GSAP: variants seen among roughly 807,000 people sequenced by gnomAD.
GSAP encodes the protein gamma-secretase-activating protein.
Under a neutral mutation model 131.7 loss-of-function variants are expected in GSAP, and 118 were observed. The observed-to-expected ratio is 0.90, with a 90% CI of 0.77 to 1.04. The LOEUF (loss-of-function observed/expected upper bound fraction) is 1.04, where lower values mean the gene tolerates loss of function less well. GSAP is among the 50% of genes least tolerant of loss of function. GSAP has a pLI of 0.00. For synonymous variants in GSAP, 381 were observed against 363.4 expected (o/e 1.05, Z -0.55); for missense variants, 1,019 against 1,013.2 (o/e 1.01, Z -0.08).
At chr7:77,399,756 C>T (rs531832671) in intron 3 of GSAP, among the ~76,000 whole-genome samples, 1 of 151,994 alleles carries the variant, frequency 6.6e-6, no homozygotes, top group Non-Finnish European at 1.5e-5. Context: ...TTGCTCCCAC[C>T]AAGTACAGTT....
At chr7:77,402,704 T>C (rs924728001) in intron 3 of GSAP, among the ~76,000 whole-genome samples, 1 of 142,046 alleles carries the variant, frequency 7.0e-6, no homozygotes, top group Non-Finnish European at 1.5e-5. Context: ...AAAAAACATA[T>C]GGGCTGTAAG....
At chr7:77,377,522 A>G in intron 8 of GSAP, 132 bp from the exon 9 acceptor site, 1 of 1,112,194 alleles carries the variant, frequency 9.0e-7, no homozygotes, top group Non-Finnish European at 1.2e-6. Context: ...TCACTGTTAG[A>G]AGCTCCCCAC....
intron 24 of GSAP, among the ~76,000 whole-genome samples, chr7:77,322,819 A>C (rs979403389): frequency 6.6e-6 from 1 of 152,172 alleles, no homozygotes; most frequent in Non-Finnish European, 1.5e-5. Flanking sequence ...AACAACACTA[A>C]TGGCTGCAAT....
intron 12 of GSAP, among the ~76,000 whole-genome samples, chr7:77,370,854 AAT>A (rs1346206271): frequency 6.6e-6 from 1 of 152,080 alleles, no homozygotes; most frequent in Non-Finnish European, 1.5e-5. Flanking sequence ...CTCACTACCT[AAT>A]TCAGTCATTT....
intron 12 of GSAP, among the ~76,000 whole-genome samples, chr7:77,366,150 C>CAA (rs1352161007): frequency 6.6e-6 from 1 of 151,860 alleles, no homozygotes; most frequent in Non-Finnish European, 1.5e-5. Context: ...TTGTCAGATG[C>CAA]ATAGTTTGCA....
At chr7:77,333,879 C>T (rs1789542581) in intron 19 of GSAP, among the ~76,000 whole-genome samples, 3 of 152,124 alleles carry the variant, frequency 2.0e-5, no homozygotes, top group Admixed American at 6.5e-5. Context: ...GACACACCAT[C>T]GCACCACTAT....
intron 30 of GSAP, 60 bp from the exon 31 acceptor site, chr7:77,311,509 A>C (rs1255898887): frequency 4.8e-6 from 4 of 835,070 alleles, no homozygotes; most frequent in Non-Finnish European, 8.1e-6. Flanking sequence ...TGAAACATTT[A>C]TAACTTTGTG....
chr7:77,353,604 T>C lies in GSAP; in HGVS notation c.1376A>G (p.His459Arg). 1 of 1,611,214 alleles carries C rather than the reference T, an allele frequency of 6.2e-7. No homozygotes were observed. Among genetic ancestry groups the C allele is most frequent in the South Asian group, 1.1e-5 (1 of 90,970 alleles). Residue 459 changes from histidine to arginine, a missense_variant, in exon 17 of 31, where the codon CAT becomes CGT. Coordinates refer to ENST00000257626, the MANE Select transcript of GSAP (RefSeq NM_017439.4). ...AAATTCCTGAATGAGGTCAAATGAA[T>C]GGCAGGCAGAGACATTCTCAGAAAT... ...QWISENVSAC[H>R]SFDLIQEFII...
At chr7:77,371,099 C>T (rs1218930153) in intron 12 of GSAP, among the ~76,000 whole-genome samples, 1 of 152,128 alleles carries the variant, frequency 6.6e-6, no homozygotes, top group Non-Finnish European at 1.5e-5. Flanking sequence ...TATTCATTGC[C>T]AGTCTTGACC....
At chr7:77,328,157 A>T in intron 22 of GSAP, 1 of 957,010 alleles carries the variant, frequency 1.0e-6, no homozygotes, top group Non-Finnish European at 1.2e-6. Flanking sequence ...CCAGAACCAC[A>T]CTGCTTACCT....
At chr7:77,353,474 C>G in intron 17 of GSAP, 98 bp downstream of exon 17, 1 of 683,602 alleles carries the variant, frequency 1.5e-6, no homozygotes, top group Non-Finnish European at 2.6e-6. Context: ...TCCAAAGTAG[C>G]ATTTGGACAG....
intron 8 of GSAP, chr7:77,379,969 GT>G (rs1797550969): frequency 1.2e-6 from 1 of 837,230 alleles, no homozygotes; most frequent in South Asian, 5.5e-5. Context: ...TCAGAGAAAT[GT>G]TAAAATCTTC....
chr7:77,389,268 G>T (rs1482177915), intron 5 of GSAP, among the ~76,000 whole-genome samples: 1 of 148,996 alleles, frequency 6.7e-6, no homozygotes, highest in African/African-American at 2.5e-5. Flanking sequence ...ATATTTTTTT[G>T]ACCTAAAAGT....
intron 6 of GSAP, among the ~76,000 whole-genome samples, chr7:77,383,016 T>A (rs1798019450): frequency 6.6e-6 from 1 of 152,040 alleles, no homozygotes; most frequent in Admixed American, 6.5e-5. Flanking sequence ...CAAGACCGCA[T>A]CTCTACAAAA....
chr7:77,351,084 G>T, intron 18 of GSAP: 1 of 956,884 alleles, frequency 1.0e-6, no homozygotes, highest in Non-Finnish European at 1.2e-6. Flanking sequence ...TACTGATATA[G>T]AATATTCCTG....
At chr7:77,415,964 G>A (rs1804344947) in intron 1 of GSAP, 3 of 384,396 alleles carry the variant, frequency 7.8e-6, no homozygotes, top group East Asian at 7.9e-5. Flanking sequence ...GAATTTCCGC[G>A]GGCCGGCAGC....
chr7:77,353,213 G>A (rs775571959), intron 17 of GSAP, among the ~76,000 whole-genome samples, 187 bp from the exon 18 acceptor site: 2 of 151,982 alleles, frequency 1.3e-5, no homozygotes, highest in Non-Finnish European at 2.9e-5. Flanking sequence ...TTTACAATGA[G>A]AAGAATAACT....
At chr7:77,362,711 TAA>T (rs1246879999) in intron 12 of GSAP, 51 bp from the exon 13 acceptor site, 3 of 1,040,302 alleles carry the variant, frequency 2.9e-6, no homozygotes, top group East Asian at 2.4e-5. Flanking sequence ...ATGTCATAAA[TAA>T]AGTTTCCTAA....
intron 19 of GSAP, among the ~76,000 whole-genome samples, chr7:77,333,500 T>C (rs1264690883): frequency 6.6e-6 from 1 of 152,118 alleles, no homozygotes; most frequent in African/African-American, 2.4e-5. Flanking sequence ...GCCTGAGCCT[T>C]ATGAGTTTTA....
Sources: allele counts gnomAD v4.1 joint callset (sites outside exome capture counted in the v4.1 genomes callset), GRCh38; gene constraint gnomAD v4.1.1; transcripts MANE v1.5; gene names NCBI Gene and HGNC (gene_info 2026-07-23, HGNC 2026-07-21).